ANKS1B: variants seen among roughly 807,000 people sequenced by gnomAD.
ANKS1B encodes ankyrin repeat and sterile alpha motif domain containing 1B.
Under a neutral mutation model 148.3 loss-of-function variants are expected in ANKS1B, and 36 were observed. That is an observed-to-expected ratio of 0.24 (90% CI 0.19 to 0.32). ANKS1B has a LOEUF of 0.32. Among genes scored for constraint, ANKS1B ranks in the 10% least tolerant of loss-of-function variants. The pLI is 1.00. For synonymous variants in ANKS1B, 542 were observed against 560.8 expected (o/e 0.97, Z 0.47); for missense variants, 1,157 against 1,542.6 (o/e 0.75, Z 4.19).
intron 17 of ANKS1B, among the ~76,000 whole-genome samples, chr12:98,903,562 C>T (rs555286062): frequency 2.6e-5 from 4 of 152,298 alleles, no homozygotes; most frequent in Admixed American, 6.5e-5. Context: ...GTGAAGCCAG[C>T]GCAGAGAAAA....
chr12:98,925,312 A>G (rs558534605), intron 17 of ANKS1B, among the ~76,000 whole-genome samples: 34 of 152,342 alleles, frequency 2.2e-4, no homozygotes, highest in African/African-American at 7.9e-4. Context: ...AGGAAGAATG[A>G]AAAATCTATA....
intron 11 of ANKS1B, among the ~76,000 whole-genome samples, chr12:99,402,525 G>A (rs550605810): frequency 1.4e-5 from 2 of 145,186 alleles, no homozygotes; most frequent in South Asian, 4.2e-4. Flanking sequence ...ATGTGTCCAT[G>A]TGTTCTCATC....
In ANKS1B at chr12:98,971,187, C is replaced by T. The variant is rs146243914; in HGVS notation, c.2778+81970G>A. Among the ~76,000 whole-genome samples the T allele has an allele frequency of 4.4e-3, 667 of 152,274 alleles. 17 individuals are homozygous for T. The highest frequency in any genetic ancestry group is 1.7e-3 in the East Asian group (9 of 5,184). On this transcript the variant is annotated intron_variant, in intron 17 of 26. Transcript: ENST00000683438. ...TGACATGGTGATGTTAATGACAAGT[C>T]TCTAGACATAGTGGTTAAACTTCAA... is the stretch of plus-strand genomic sequence containing the variant.
intron 12 of ANKS1B, among the ~76,000 whole-genome samples, chr12:99,320,010 A>G (rs570706711): frequency 6.6e-6 from 1 of 152,318 alleles, no homozygotes; most frequent in East Asian, 1.9e-4. Context: ...AAGAATGTTG[A>G]ATATTGGCCC....
chr12:98,995,730 C>G (rs181670435), intron 17 of ANKS1B, among the ~76,000 whole-genome samples: 2 of 152,266 alleles, frequency 1.3e-5, no homozygotes, highest in African/African-American at 4.8e-5. Context: ...GTGATCCCTG[C>G]GAGGAACCAT....
chr12:99,939,604 A>T (rs751855561), intron 1 of ANKS1B, among the ~76,000 whole-genome samples: 8 of 152,168 alleles, frequency 5.3e-5, no homozygotes, highest in Admixed American at 5.2e-4. Flanking sequence ...ATATTTTCAC[A>T]TAAGGAATGA....
intron 1 of ANKS1B, among the ~76,000 whole-genome samples, chr12:99,866,094 C>T (rs1565888921): frequency 2.0e-5 from 3 of 152,134 alleles, no homozygotes. Flanking sequence ...GTTCAGAAAC[C>T]GTAAGCCTGG....
Position 98,822,205 on chromosome 12 carries a change from C to A in ANKS1B, c.3066+6969G>T, listed in dbSNP as rs139931098. Among the ~76,000 whole-genome samples the A allele has an allele frequency of 4.6e-5, 7 of 152,184 alleles. No individual in the cohort carries two copies. The East Asian group carries it at 1.4e-3, about 29-fold the overall frequency. ...GCTGATAAATTACTTTAGGCCTATA[C>A]GCACAGAATTAACCAAGACAGGGCC... On this transcript the variant is annotated intron_variant, in intron 19 of 26. Transcript: ENST00000683438.
chr12:99,053,243 G>A lies in ANKS1B; in HGVS notation c.2692C>T (p.Leu898=). The change falls in exon 17 of 27, where the codon CTG becomes TTG. Residue 898 remains leucine (L), a synonymous_variant. Coordinates refer to ENST00000683438, the MANE Select transcript of ANKS1B (RefSeq NM_001352186.2). The part of the protein sequence containing the change: ...SVAEWLDSIE[L]GDYTKAFLIN... ...AGAAAGGCTTTGGTGTAGTCGCCCA[G>A]TTCAATGGAATCCAGCCACTCAGCT... 1 of 1,611,670 alleles carries A rather than the reference G, an allele frequency of 6.2e-7. No homozygotes were observed. The highest frequency in any genetic ancestry group is 8.5e-7 in the Non-Finnish European group (1 of 1,178,928).
At chr12:99,398,218 TATC>T (rs2094306480) in intron 12 of ANKS1B, among the ~76,000 whole-genome samples, 1 of 152,162 alleles carries the variant, frequency 6.6e-6, no homozygotes, top group Non-Finnish European at 1.5e-5. Context: ...ATGTCAATCT[TATC>T]ATTCCCATTA....
In ANKS1B at chr12:98,973,523, C is replaced by T. The variant is rs572788965; in HGVS notation, c.2778+79634G>A. Among the ~76,000 whole-genome samples, 42 of 152,218 alleles carry T rather than the reference C, an allele frequency of 2.8e-4. No homozygotes were observed. The South Asian group carries it at 7.1e-3, about 26-fold the overall frequency. On this transcript the variant is annotated intron_variant, in intron 17 of 26. Transcript: ENST00000683438. Reference sequence around the variant, plus strand: ...AATTCCAGAAATAAACAGTTTATTACGTTTTAAAATGGATGTCCTTCTGAG... The same window carrying T: ...AATTCCAGAAATAAACAGTTTATTATGTTTTAAAATGGATGTCCTTCTGAG...
intron 9 of ANKS1B, among the ~76,000 whole-genome samples, chr12:99,580,239 C>CAGT (rs2097557676): frequency 1.3e-5 from 2 of 152,036 alleles, no homozygotes; most frequent in Non-Finnish European, 2.9e-5. Context: ...AATTACCTAC[C>CAGT]AGGTACTATG....
chr12:99,823,454 T>G (rs2082762601), intron 2 of ANKS1B, among the ~76,000 whole-genome samples: 1 of 152,052 alleles, frequency 6.6e-6, no homozygotes, highest in Non-Finnish European at 1.5e-5. Context: ...TACAGGCACA[T>G]ATCATCGTGC....
rs149926433 is a variant in ANKS1B, at chr12:98,845,965, CATATAT to C, written c.2779-13835_2779-13830del. Among the ~76,000 whole-genome samples, 89 of 98,744 alleles carry C rather than the reference CATATAT, an allele frequency of 9.0e-4. 1 individual carries two copies. Among genetic ancestry groups the C allele is most frequent in the South Asian group, 1.9e-3 (4 of 2,082 alleles). The allele number at this position is 98,744 out of a possible 152,430, so 64.8% of individuals were successfully genotyped here. ...TGTTGGAGGTCTTATTAGAATTCTT[CATATAT>C]ATATATATACACACACACACACACA... On this transcript the variant is annotated intron_variant, in intron 17 of 26. Coordinates refer to ENST00000683438, the MANE Select transcript of ANKS1B (RefSeq NM_001352186.2).
chr12:99,564,159 AC>A (rs367831023), intron 9 of ANKS1B, among the ~76,000 whole-genome samples: 7 of 152,268 alleles, frequency 4.6e-5, no homozygotes, highest in African/African-American at 1.7e-4. Context: ...TAGAGTTCAT[AC>A]CTACATGTGA....
intron 9 of ANKS1B, among the ~76,000 whole-genome samples, chr12:99,632,727 C>CTAGATAGATATA (rs1419756181): frequency 2.6e-5 from 1 of 39,044 alleles, no homozygotes; most frequent in East Asian, 1.0e-3. Flanking sequence ...CCTTTTCTTT[C>CTAGATAGATATA]TATATATATA....
At chr12:99,556,590 T>C (rs544474567) in intron 9 of ANKS1B, among the ~76,000 whole-genome samples, 1 of 152,144 alleles carries the variant, frequency 6.6e-6, no homozygotes, top group African/African-American at 2.4e-5. Flanking sequence ...AGTGCTATAA[T>C]CTTTCCTCTT....
At chr12:99,890,650 G>C (rs1314260154) in intron 1 of ANKS1B, among the ~76,000 whole-genome samples, 1 of 148,134 alleles carries the variant, frequency 6.8e-6, no homozygotes, top group African/African-American at 2.5e-5. Flanking sequence ...TTTCTCCAGG[G>C]GACCCTAATG....
intron 15 of ANKS1B, 126 bp from the exon 16 acceptor site, chr12:99,085,149 A>G (rs1360257834): frequency 1.3e-6 from 1 of 769,322 alleles, no homozygotes; most frequent in Admixed American, 2.3e-5. Flanking sequence ...ACATAGAGTC[A>G]TTCTTCCGTG....
Sources: allele counts gnomAD v4.1 joint callset (sites outside exome capture counted in the v4.1 genomes callset), GRCh38; gene constraint gnomAD v4.1.1; transcripts MANE v1.5; gene names NCBI Gene and HGNC (gene_info 2026-07-23, HGNC 2026-07-21).